Variants in LRBA observed in about 807,000 individuals in gnomAD.
The protein encoded by LRBA is LPS responsive beige-like anchor protein.
In LRBA, 176 loss-of-function variants were observed where a neutral mutation model predicts 330.0. The observed-to-expected ratio is 0.53, with a 90% CI of 0.47 to 0.60. The LOEUF (loss-of-function observed/expected upper bound fraction) is 0.60, where lower values mean the gene tolerates loss of function less well. Among genes scored for constraint, LRBA ranks in the 20% least tolerant of loss-of-function variants. The probability of loss-of-function intolerance (pLI) is 0.00; values close to 1 mark genes in which losing one functional copy is unlikely to be tolerated. For missense variants in LRBA, 3,259 were observed against 3,444.8 expected (o/e 0.95, Z 1.35); for synonymous variants, 1,230 against 1,193.0 (o/e 1.03, Z -0.64).
intron 39 of LRBA, among the ~76,000 whole-genome samples, chr4:150,589,040 T>TACACACACACACACAC (rs10637563): frequency 1.7e-4 from 25 of 146,854 alleles, no homozygotes; most frequent in African/African-American, 6.1e-4. Flanking sequence ...TGTGTGTGTA[T>TACACACACACACACAC]ACACACACAC....
intron 51 of LRBA, among the ~76,000 whole-genome samples, chr4:150,312,062 C>T (rs1404494367): frequency 5.9e-5 from 9 of 152,080 alleles, no homozygotes; most frequent in Non-Finnish European, 1.0e-4. Context: ...TATAAACTTT[C>T]GCTGAACTTT....
At chr4:150,402,153 T>C (rs965811791) in intron 47 of LRBA, among the ~76,000 whole-genome samples, 1 of 150,334 alleles carries the variant, frequency 6.7e-6, no homozygotes, top group African/African-American at 2.4e-5. Context: ...AAATTCTGTG[T>C]GCTATTTTTT....
chr4:150,499,412 G>A (rs187628537), intron 40 of LRBA, among the ~76,000 whole-genome samples: 1 of 152,256 alleles, frequency 6.6e-6, no homozygotes, highest in Non-Finnish European at 1.5e-5. Flanking sequence ...GGAGGCTGAG[G>A]CAGGAGGATC....
intron 47 of LRBA, among the ~76,000 whole-genome samples, chr4:150,386,167 T>A (rs999145518): frequency 6.6e-6 from 1 of 152,078 alleles, no homozygotes; most frequent in Non-Finnish European, 1.5e-5. Context: ...TTTGGCATCA[T>A]AATAATCAAA....
intron 40 of LRBA, among the ~76,000 whole-genome samples, chr4:150,542,504 T>G (rs765225527): frequency 3.3e-5 from 5 of 152,188 alleles, no homozygotes; most frequent in Non-Finnish European, 5.9e-5. Flanking sequence ...TATTAGAAAT[T>G]TGGGTATTTG....
At chr4:150,766,456 C>A (rs1177663624) in intron 34 of LRBA, among the ~76,000 whole-genome samples, 2 of 152,018 alleles carry the variant, frequency 1.3e-5, no homozygotes, top group Admixed American at 1.3e-4. Context: ...AAGTTTTCTC[C>A]ATACTAAAAC....
intron 37 of LRBA, among the ~76,000 whole-genome samples, chr4:150,635,157 G>A (rs1777767088): frequency 6.6e-6 from 1 of 152,094 alleles, no homozygotes; most frequent in African/African-American, 2.4e-5. Flanking sequence ...AGCCTCCACA[G>A]CTTCTCTACT....
chr4:150,314,048 C>G (rs1731411961), intron 51 of LRBA, among the ~76,000 whole-genome samples: 1 of 151,710 alleles, frequency 6.6e-6, no homozygotes, highest in African/African-American at 2.4e-5. Flanking sequence ...ATTAGAGGTG[C>G]TCAACCTAAA....
intron 35 of LRBA, among the ~76,000 whole-genome samples, chr4:150,759,834 T>C (rs190772949): frequency 6.6e-6 from 1 of 152,234 alleles, no homozygotes; most frequent in African/African-American, 2.4e-5. Flanking sequence ...GCTCAAAAAC[T>C]AAAAGCGCTT....
chr4:150,926,449 T>C (rs763190558), intron 4 of LRBA, among the ~76,000 whole-genome samples: 4 of 152,138 alleles, frequency 2.6e-5, no homozygotes, highest in Admixed American at 6.5e-5. Flanking sequence ...TTTAAACTAG[T>C]TTTGAAGGAT....
intron 2 of LRBA, among the ~76,000 whole-genome samples, chr4:151,005,437 CAAAAAAAAA>C (rs70941465): frequency 1.7e-5 from 1 of 60,576 alleles, no homozygotes; most frequent in Non-Finnish European, 2.7e-5. Context: ...GACTCCAACT[CAAAAAAAAA>C]AAAAAAAAAA....
chr4:150,479,275 C>G (rs1287927097), intron 42 of LRBA, among the ~76,000 whole-genome samples: 1 of 151,714 alleles, frequency 6.6e-6, no homozygotes, highest in Non-Finnish European at 1.5e-5. Context: ...CAAGACCCTG[C>G]CTTTAAAAAA....
intron 34 of LRBA, among the ~76,000 whole-genome samples, chr4:150,771,869 C>T (rs1736617303): frequency 1.3e-5 from 2 of 152,098 alleles, no homozygotes; most frequent in South Asian, 2.1e-4. Context: ...TGACTAGTAT[C>T]CACAGAACAG....
Position 150,583,022 on chromosome 4 carries a change from G to A in LRBA, c.6330+5026C>T. The A allele has an allele frequency of 1.9e-6, 3 of 1,582,386 alleles. No homozygotes were observed. Among genetic ancestry groups the A allele is most frequent in the Non-Finnish European group, 2.6e-6 (3 of 1,162,900 alleles). ...ACGCCGGTGTATAGCCCGGACCTGT[G>A]CCCCAACATGATCGCCGCTCAGGCC... On this transcript the variant is annotated intron_variant, in intron 40 of 56. Coordinates refer to ENST00000651943, the MANE Select transcript of LRBA (RefSeq NM_001364905.1). This position sits in a 1 kb window ranked among gnomAD's most constrained non-coding sequence, Gnocchi z 9.8.
At chr4:150,749,583 C>T (rs575915308) in intron 35 of LRBA, among the ~76,000 whole-genome samples, 2 of 152,056 alleles carry the variant, frequency 1.3e-5, no homozygotes, top group South Asian at 4.2e-4. Context: ...TAGCAAGTCC[C>T]TATCTCTACC....
At chr4:150,282,379 C>T in intron 55 of LRBA, 71 bp downstream of exon 55, 2 of 1,381,804 alleles carry the variant, frequency 1.4e-6, no homozygotes, top group Non-Finnish European at 2.0e-6. Flanking sequence ...CTTTCGCGAA[C>T]CCTCTCCCTC....
intron 38 of LRBA, among the ~76,000 whole-genome samples, chr4:150,597,964 T>C (rs1773690953): frequency 6.6e-6 from 1 of 152,134 alleles, no homozygotes; most frequent in South Asian, 2.1e-4. Context: ...TGATGACATA[T>C]TGTGGACATT....
chr4:150,851,989 T>A lies in LRBA; in HGVS notation c.3721A>T (p.Ile1241Phe), dbSNP rs149689496. The A allele has an allele frequency of 2.4e-5, 39 of 1,614,026 alleles. No individual in the cohort carries two copies. Among genetic ancestry groups the A allele is most frequent in the Non-Finnish European group, 3.2e-5 (38 of 1,180,008 alleles). Residue 1241 changes from isoleucine to phenylalanine, a missense_variant, in exon 23 of 57, where the codon ATT (isoleucine) becomes TTT (phenylalanine). Coordinates refer to ENST00000651943, the MANE Select transcript of LRBA (RefSeq NM_001364905.1). The stretch of plus-strand genomic sequence containing the variant: ...ACATTGGAAACATCCAACTTCGCAA[T>A]CTTTTGCTCAGAAGAAGCCTCAGAG... ...SVSEASSEQK[I>F]AKLDVSNVAT...
At chr4:150,312,334 C>A (rs974381682) in intron 51 of LRBA, among the ~76,000 whole-genome samples, 1 of 152,064 alleles carries the variant, frequency 6.6e-6, no homozygotes, top group Non-Finnish European at 1.5e-5. Context: ...CTAAGAGATA[C>A]ACAGGTTCAG....
Sources: allele counts gnomAD v4.1 joint callset (sites outside exome capture counted in the v4.1 genomes callset), GRCh38; gene constraint gnomAD v4.1.1; non-coding constraint Gnocchi (gnomAD v3.1); transcripts MANE v1.5; gene names NCBI Gene and HGNC (gene_info 2026-07-23, HGNC 2026-07-21).